The following RRBP1 variants were observed in gnomAD, a reference collection of about 807,000 sequenced individuals.
RRBP1 encodes ribosome binding protein 1, also known as ribosome-binding protein 1.
RRBP1 carries 94 observed loss-of-function variants against 165.2 expected under a neutral mutation model. The ratio of observed to expected loss-of-function variants is 0.57; its 90% CI spans 0.48 to 0.68. The LOEUF (loss-of-function observed/expected upper bound fraction) is 0.68, where lower values mean the gene tolerates loss of function less well. Ranked by LOEUF, RRBP1 falls within the 30% of genes least tolerant of loss-of-function variation. The probability of loss-of-function intolerance (pLI) is 0.00; values close to 1 mark genes in which losing one functional copy is unlikely to be tolerated. For synonymous variants in RRBP1, 680 were observed against 714.5 expected (o/e 0.95, Z 0.77); for missense variants, 1,676 against 1,763.0 (o/e 0.95, Z 0.88).
rs149719030 is a variant in RRBP1, at chr20:17,621,690, C to A, written c.3324G>T (p.Ser1108=). The A allele has an allele frequency of 1.2e-6, 2 of 1,613,316 alleles. No individual in the cohort carries two copies. Among genetic ancestry groups the A allele is most frequent in the Admixed American group, 3.3e-5 (2 of 59,972 alleles). Residue 1108 remains serine (S), a splice_region_variant and synonymous_variant, in exon 15 of 25, where the codon TCG becomes TCT. Coordinates refer to ENST00000377813, the MANE Select transcript of RRBP1 (RefSeq NM_001365613.2). The stretch of plus-strand genomic sequence containing the variant: ...AGCCTTGCCAGGCAGCCACACTTAC[C>A]GAGGAGGGCTCCGCGGGAGCTGGCG... The part of the protein sequence containing the change: ...KHPPAPAEPS[S]DLASKLREAE...
chr20:17,627,932 T>C (rs908678510), intron 9 of RRBP1, among the ~76,000 whole-genome samples: 1 of 152,132 alleles, frequency 6.6e-6, no homozygotes, highest in Non-Finnish European at 1.5e-5. Context: ...AGGACACTCA[T>C]GAGAAAATGA....
At chr20:17,627,858 G>T (rs544940051) in intron 9 of RRBP1, among the ~76,000 whole-genome samples, 176 bp from the exon 10 acceptor site, 60 of 152,320 alleles carry the variant, frequency 3.9e-4, no homozygotes, top group Middle Eastern at 6.8e-3. Context: ...TCTTGTTAGC[G>T]GTTGAAGAAA....
At chr20:17,624,878 G>A (rs1191205889) in intron 12 of RRBP1, among the ~76,000 whole-genome samples, 1 of 152,228 alleles carries the variant, frequency 6.6e-6, no homozygotes, top group Non-Finnish European at 1.5e-5. Flanking sequence ...CGGGCAGCAT[G>A]GCACAGGGTG....
At chr20:17,641,942 T>G in intron 4 of RRBP1, 23 bp from the exon 5 acceptor site, 1 of 1,605,754 alleles carries the variant, frequency 6.2e-7, no homozygotes, top group Non-Finnish European at 8.5e-7. Context: ...AGAGATGCGT[T>G]AACAGAGGGG....
intron 3 of RRBP1, among the ~76,000 whole-genome samples, chr20:17,646,611 G>A (rs539398807): frequency 4.6e-5 from 7 of 152,302 alleles, no homozygotes; most frequent in African/African-American, 1.4e-4. Flanking sequence ...GCAGGGTAAC[G>A]CACAGCAAAA....
At chr20:17,618,079 T>A (rs2035835733) in intron 20 of RRBP1, among the ~76,000 whole-genome samples, 1 of 152,196 alleles carries the variant, frequency 6.6e-6, no homozygotes, top group South Asian at 2.1e-4. Flanking sequence ...ACCCGGCAGC[T>A]GGTATGGGGC....
chr20:17,614,995 G>A, intron 23 of RRBP1, 115 bp from the exon 24 acceptor site: 2 of 1,164,078 alleles, frequency 1.7e-6, no homozygotes, highest in South Asian at 1.4e-5. Context: ...CACAAGGAAG[G>A]CAACTCCTGG....
At chr20:17,650,286 G>A (rs146716041) in intron 3 of RRBP1, among the ~76,000 whole-genome samples, 22 of 152,216 alleles carry the variant, frequency 1.4e-4, no homozygotes, top group African/African-American at 4.8e-4. Context: ...ATCTGACAAC[G>A]TGGCAAGAAT....
intron 2 of RRBP1, among the ~76,000 whole-genome samples, chr20:17,679,691 T>C (rs548621237): frequency 6.6e-6 from 1 of 152,334 alleles, no homozygotes; most frequent in South Asian, 2.1e-4. Flanking sequence ...CTCATTTCAT[T>C]AAAGAGCATA....
intron 22 of RRBP1, 150 bp downstream of exon 22, chr20:17,615,776 C>T: frequency 1.4e-6 from 1 of 711,762 alleles, no homozygotes; most frequent in Non-Finnish European, 2.3e-6. Context: ...CTCCACCTGC[C>T]CGGGCCCCAC....
chr20:17,643,186 C>A lies in RRBP1; in HGVS notation c.1913-59G>T. On this transcript the variant is annotated intron_variant, in intron 3 of 24. Transcript: ENST00000377813. This position sits in a 1 kb window ranked among gnomAD's most constrained non-coding sequence, Gnocchi z 4.3. ...GCCCATAAGCCACAACACACGTGGC[C>A]ACAATGCCCATCACACCAAGAAGGT... 1 of 1,558,736 alleles carries A rather than the reference C, an allele frequency of 6.4e-7. No homozygotes were observed.
chr20:17,669,966 T>C (rs2036945593), intron 2 of RRBP1, among the ~76,000 whole-genome samples: 1 of 152,190 alleles, frequency 6.6e-6, no homozygotes, highest in Non-Finnish European at 1.5e-5. Context: ...TTCAACACAG[T>C]GCTAAAGAGA....
intron 2 of RRBP1, among the ~76,000 whole-genome samples, chr20:17,675,662 G>A: frequency 6.6e-6 from 1 of 152,242 alleles, no homozygotes; most frequent in Non-Finnish European, 1.5e-5. Context: ...TTAGGGATAT[G>A]CCAAAGTAGA....
At chr20:17,676,102 AG>A (rs1200269793) in intron 2 of RRBP1, among the ~76,000 whole-genome samples, 1 of 152,256 alleles carries the variant, frequency 6.6e-6, no homozygotes, top group African/African-American at 2.4e-5. Context: ...CCAGCTACCC[AG>A]GAGGCTGAGG....
At chr20:17,655,246 C>G (rs1229134014) in intron 3 of RRBP1, among the ~76,000 whole-genome samples, 1 of 152,162 alleles carries the variant, frequency 6.6e-6, no homozygotes, top group South Asian at 2.1e-4. Flanking sequence ...GTTGCCCAGG[C>G]TGGAACTCCT....
chr20:17,648,786 A>G (rs1488266100), intron 3 of RRBP1, among the ~76,000 whole-genome samples: 1 of 152,206 alleles, frequency 6.6e-6, no homozygotes, highest in Non-Finnish European at 1.5e-5. Context: ...AAAAACCCAC[A>G]TCACAATATT....
intron 3 of RRBP1, among the ~76,000 whole-genome samples, chr20:17,645,956 G>A (rs1036637652): frequency 1.3e-5 from 2 of 152,200 alleles, no homozygotes; most frequent in Non-Finnish European, 2.9e-5. Context: ...CAGGAGGCCT[G>A]GGGAGTGACC....
chr20:17,660,447 A>AT lies in RRBP1; in HGVS notation c.60_61insA (p.Ser21IlefsTer19). 1 of 1,614,224 alleles carries AT rather than the reference A, an allele frequency of 6.2e-7. No individual in the cohort carries two copies. ...GACACCAGGAAGATGCCAATGGCAGAAACAACCATGAATCCTCCAAAGACC... is the reference window on the plus strand; with the variant it reads ...GACACCAGGAAGATGCCAATGGCAGATAACAACCATGAATCCTCCAAAGACC... On this transcript the variant is annotated frameshift_variant, in exon 3 of 25. Coordinates refer to ENST00000377813, the MANE Select transcript of RRBP1 (RefSeq NM_001365613.2). LOFTEE classifies it high-confidence loss of function.
intron 5 of RRBP1, among the ~76,000 whole-genome samples, chr20:17,639,070 G>A (rs539845908): frequency 5.6e-4 from 85 of 152,344 alleles, no homozygotes; most frequent in African/African-American, 1.8e-3. Flanking sequence ...GGGCCAGTCC[G>A]AGGCATGGCT....
Sources: gnomAD v4.1 joint callset for allele counts (sites outside exome capture counted in the v4.1 genomes callset) on GRCh38, gnomAD v4.1.1 for gene constraint, Gnocchi (gnomAD v3.1) non-coding constraint, MANE v1.5 for transcripts, NCBI Gene and HGNC (gene_info 2026-07-23, HGNC 2026-07-21) for gene names.